TFDP2: variants seen among roughly 807,000 people sequenced by gnomAD.
The protein encoded by TFDP2 is transcription factor Dp-2, also known as transcription factor Dp-2 (E2F dimerization partner 2).
TFDP2 carries 17 observed loss-of-function variants against 59.3 expected under a neutral mutation model. The observed-to-expected ratio is 0.29, with a 90% CI of 0.20 to 0.43. TFDP2 has a LOEUF of 0.43. Ranked by LOEUF, TFDP2 falls within the 20% of genes least tolerant of loss-of-function variation. The pLI, the probability that TFDP2 is intolerant of heterozygous loss-of-function variation, is 1.00. For missense variants in TFDP2, 391 were observed against 528.8 expected, an observed-to-expected ratio of 0.74 and a Z score of 2.56; for synonymous variants, 180 against 194.7, an observed-to-expected ratio of 0.92 and a Z score of 0.63.
At chr3:142,047,501 C>T (rs1338342854) in intron 3 of TFDP2, among the ~76,000 whole-genome samples, 1 of 152,098 alleles carries the variant, frequency 6.6e-6, no homozygotes, top group Non-Finnish European at 1.5e-5. Flanking sequence ...CCCTGTCCCC[C>T]TATTTTGCCT....
intron 3 of TFDP2, among the ~76,000 whole-genome samples, chr3:142,055,303 A>G (rs2059703597): frequency 1.3e-5 from 2 of 152,034 alleles, no homozygotes; most frequent in African/African-American, 2.4e-5. Flanking sequence ...TACTTGGATG[A>G]GAATCTACAA....
At chr3:141,978,715 A>C (rs1941085290) in intron 6 of TFDP2, 33 bp from the exon 7 acceptor site, 2 of 1,498,710 alleles carry the variant, frequency 1.3e-6, no homozygotes, top group African/African-American at 1.4e-5. Context: ...TTACTCCATT[A>C]TACATATTAG....
At chr3:141,987,778 A>G (rs1399056280) in intron 6 of TFDP2, among the ~76,000 whole-genome samples, 3 of 150,478 alleles carry the variant, frequency 2.0e-5, no homozygotes, top group Non-Finnish European at 4.4e-5. Flanking sequence ...AAATAGAAAA[A>G]AAAAAAAAAA....
chr3:142,058,422 G>A (rs369281022), intron 3 of TFDP2, among the ~76,000 whole-genome samples: 23 of 151,314 alleles, frequency 1.5e-4, no homozygotes, highest in Admixed American at 1.3e-3. Flanking sequence ...ACTACCTGGA[G>A]TTAGCCCAGA....
At chr3:142,038,308 C>T (rs1946785339) in intron 3 of TFDP2, among the ~76,000 whole-genome samples, 2 of 143,498 alleles carry the variant, frequency 1.4e-5, no homozygotes, top group African/African-American at 5.3e-5. Context: ...GGCGTGAACC[C>T]GGGAGGCAGA....
intron 3 of TFDP2, among the ~76,000 whole-genome samples, chr3:142,007,174 G>C (rs1449292630): frequency 6.6e-6 from 1 of 152,050 alleles, no homozygotes; most frequent in Non-Finnish European, 1.5e-5. Flanking sequence ...CTATTCCATT[G>C]GCCCTTTCCC....
chr3:141,966,242 A>ATATATATGAGATATATATAACCG, intron 9 of TFDP2, among the ~76,000 whole-genome samples: 1 of 151,764 alleles, frequency 6.6e-6, no homozygotes, highest in African/African-American at 2.4e-5. Context: ...GCACGATCTC[A>ATATATATGAGATATATATAACCG]GCTCACTGCA....
At chr3:141,966,218 G>C (rs1435700405) in intron 9 of TFDP2, among the ~76,000 whole-genome samples, 1 of 151,770 alleles carries the variant, frequency 6.6e-6, no homozygotes, top group East Asian at 1.9e-4. Context: ...TGTTGCCCAG[G>C]CTGGAGTACA....
intron 3 of TFDP2, among the ~76,000 whole-genome samples, chr3:142,026,422 A>G (rs1190118276): frequency 2.0e-5 from 3 of 152,212 alleles, no homozygotes; most frequent in African/African-American, 4.8e-5. Flanking sequence ...GAATGTTGAT[A>G]TCTTTTCCAG....
At chr3:142,037,040 C>T (rs1402536579) in intron 3 of TFDP2, among the ~76,000 whole-genome samples, 5 of 152,124 alleles carry the variant, frequency 3.3e-5, no homozygotes, top group African/African-American at 1.2e-4. Context: ...CTCTACATTC[C>T]TACATAAAAT....
chr3:142,058,493 A>G (rs2059814065), intron 3 of TFDP2, among the ~76,000 whole-genome samples: 1 of 152,116 alleles, frequency 6.6e-6, no homozygotes, highest in African/African-American at 2.4e-5. Context: ...GCCACAGATG[A>G]CATGCCCAGG....
At chr3:142,026,221 G>T (rs1173368916) in intron 3 of TFDP2, among the ~76,000 whole-genome samples, 2 of 152,048 alleles carry the variant, frequency 1.3e-5, no homozygotes, top group African/African-American at 4.8e-5. Flanking sequence ...TGAGCGTGGT[G>T]GTGGACGCCT....
At chr3:142,056,533 A>AT (rs1180384103) in intron 3 of TFDP2, among the ~76,000 whole-genome samples, 2 of 152,116 alleles carry the variant, frequency 1.3e-5, no homozygotes, top group African/African-American at 4.8e-5. Flanking sequence ...ACAATGAATA[A>AT]TTTTTTAGTA....
chr3:142,014,544 C>A (rs917897093), intron 3 of TFDP2, among the ~76,000 whole-genome samples: 14 of 152,024 alleles, frequency 9.2e-5, no homozygotes, highest in African/African-American at 3.1e-4. Flanking sequence ...GTAAACTATA[C>A]CTTAATAAAA....
Position 141,972,867 on chromosome 3 carries a change from T to C in TFDP2, c.663+1181A>G, listed in dbSNP as rs544921956. 3.3e-5 allele frequency among the ~76,000 whole-genome samples: 5 copies of C among 152,042 alleles called. No homozygotes were observed. In the South Asian group the frequency reaches 1.0e-3, roughly 32 times the overall value. The stretch of plus-strand genomic sequence containing the variant: ...ATGAGTCTTTGGTATCAGCTCAATA[T>C]TACTGGTCATGAAAATGATGCTCAA... On this transcript the variant is annotated intron_variant, in intron 8 of 12. Coordinates refer to ENST00000489671, the MANE Select transcript of TFDP2 (RefSeq NM_001178139.2).
intron 1 of TFDP2, among the ~76,000 whole-genome samples, chr3:142,103,652 G>A (rs1028867825): frequency 6.6e-6 from 1 of 152,178 alleles, no homozygotes; most frequent in African/African-American, 2.4e-5. Context: ...TACAACTGGT[G>A]AATCTGGGTG....
At chr3:141,968,519 C>CAT (rs538628008) in intron 9 of TFDP2, among the ~76,000 whole-genome samples, 1 of 98,974 alleles carries the variant, frequency 1.0e-5, no homozygotes, top group Non-Finnish European at 1.7e-5. Context: ...ATATATATCT[C>CAT]ATATATATAG....
In TFDP2 at chr3:141,959,770, C is replaced by T. The variant is rs1171062625; in HGVS notation, c.955G>A (p.Gly319Arg). The change falls in exon 11 of 13, where the codon GGA becomes AGA. Residue 319 changes from glycine (G) to arginine (R), a missense_variant. Around this residue, in one of 3 missense-constraint regions of TFDP2, gnomAD observed 223 missense variants for 292.5 expected, o/e 0.76. Transcript: ENST00000489671. ...CCTGACTCCAGGCCAAACGACATTC[C>T]CATCCGCTTTAGTACTTCTATGTCA... ...HDDIEVLKRM[G>R]MSFGLESGKC... 2 of 1,614,130 alleles carry T rather than the reference C, an allele frequency of 1.2e-6. No individual in the cohort carries two copies. The highest frequency in any genetic ancestry group is 2.2e-5 in the South Asian group (2 of 91,078).
At chr3:142,017,548 C>CTTTTTT (rs10535313) in intron 3 of TFDP2, among the ~76,000 whole-genome samples, 7 of 87,240 alleles carry the variant, frequency 8.0e-5, no homozygotes, top group Non-Finnish European at 1.3e-4. Context: ...CAAAAATATT[C>CTTTTTT]TTTTTTTTTT....
Sources: gnomAD v4.1 joint callset for allele counts (sites outside exome capture counted in the v4.1 genomes callset) on GRCh38, gnomAD v4.1.1 for gene constraint, gnomAD v4.1.1 regional missense constraint, MANE v1.5 for transcripts, NCBI Gene and HGNC (gene_info 2026-07-23, HGNC 2026-07-21) for gene names.